The following PLEKHA7 variants were observed in gnomAD, a reference collection of about 807,000 sequenced individuals.
PLEKHA7 encodes pleckstrin homology domain containing A7, also known as pleckstrin homology domain-containing family A member 7.
PLEKHA7 carries 104 observed loss-of-function variants against 170.0 expected under a neutral mutation model. The observed-to-expected ratio is 0.61, with a 90% CI of 0.52 to 0.72. PLEKHA7 has a LOEUF of 0.72. Ranked by LOEUF, PLEKHA7 falls within the 30% of genes least tolerant of loss-of-function variation. PLEKHA7 has a pLI of 0.00. For synonymous variants in PLEKHA7, 648 were observed against 660.8 expected, an observed-to-expected ratio of 0.98 and a Z score of 0.30; for missense variants, 1,615 against 1,671.7, an observed-to-expected ratio of 0.97 and a Z score of 0.59.
intron 6 of PLEKHA7, among the ~76,000 whole-genome samples, chr11:16,854,393 C>T (rs975873041): frequency 1.3e-5 from 2 of 152,002 alleles, no homozygotes; most frequent in African/African-American, 2.4e-5. Context: ...TACTAAGATC[C>T]GGAAAAAGCA....
intron 3 of PLEKHA7, among the ~76,000 whole-genome samples, chr11:16,905,188 G>A (rs1857576276): frequency 6.6e-6 from 1 of 151,908 alleles, no homozygotes; most frequent in Non-Finnish European, 1.5e-5. Context: ...GGAAATCGAG[G>A]GTGCAGTAAG....
chr11:17,011,206 C>A (rs1431624633), intron 3 of PLEKHA7, among the ~76,000 whole-genome samples: 1 of 152,198 alleles, frequency 6.6e-6, no homozygotes, highest in Non-Finnish European at 1.5e-5. Flanking sequence ...ACTTGCAGCC[C>A]TTCCTCCCGC....
intron 17 of PLEKHA7, among the ~76,000 whole-genome samples, chr11:16,799,667 G>T (rs1456078009): frequency 6.6e-6 from 1 of 152,164 alleles, no homozygotes; most frequent in Non-Finnish European, 1.5e-5. Context: ...ATAATTGAAG[G>T]ACTTTGTCAA....
At position 16,991,075 on chromosome 11, in the gene PLEKHA7, C is replaced by T. The variant is rs552289765; in HGVS notation, c.221+22914G>A. Among the ~76,000 whole-genome samples, 24 of 152,176 alleles carry T rather than the reference C, an allele frequency of 1.6e-4. 1 individual carries two copies. The highest frequency in any genetic ancestry group is 6.8e-3 in the Middle Eastern group (2 of 294). Reference sequence around the variant, plus strand: ...CTAGTGCAGAGACAAACAAGGATGCCGGTGGTTCCCAAACTGGAGAGGAAT... The same window carrying T: ...CTAGTGCAGAGACAAACAAGGATGCTGGTGGTTCCCAAACTGGAGAGGAAT... On this transcript the variant is annotated intron_variant, in intron 3 of 26. Coordinates refer to ENST00000531066, the MANE Select transcript of PLEKHA7 (RefSeq NM_001329630.2).
chr11:16,886,644 G>A (rs913439924), intron 3 of PLEKHA7, among the ~76,000 whole-genome samples: 13 of 150,912 alleles, frequency 8.6e-5, no homozygotes, highest in African/African-American at 2.7e-4. Flanking sequence ...CCAGGAGGCG[G>A]AGGTTGCAGT....
At chr11:16,916,075 T>G (rs1166172496) in intron 3 of PLEKHA7, among the ~76,000 whole-genome samples, 4 of 151,918 alleles carry the variant, frequency 2.6e-5, no homozygotes, top group Non-Finnish European at 4.4e-5. Context: ...TGAGATGGTA[T>G]CTCATTGTGG....
chr11:16,982,460 A>G (rs1410512771), intron 3 of PLEKHA7, among the ~76,000 whole-genome samples: 2 of 152,248 alleles, frequency 1.3e-5, no homozygotes, highest in African/African-American at 4.8e-5. Context: ...CAGAATGTCC[A>G]GGGTGACTAG....
In PLEKHA7 at chr11:16,777,558, T is replaced by C. The variant is rs1455558525; in HGVS notation, c.*1440A>G. Reference sequence around the variant, plus strand: ...GTCAAAGAGAAATTTTCATTTAAAGTGTGGCTCCACCCAATGGAGGTTTTC... The same window carrying C: ...GTCAAAGAGAAATTTTCATTTAAAGCGTGGCTCCACCCAATGGAGGTTTTC... On this transcript the variant is annotated 3_prime_UTR_variant, in exon 27 of 27. Transcript: ENST00000531066. 3 of 152,230 alleles carry C rather than the reference T, an allele frequency of 2.0e-5. No homozygotes were observed. Among genetic ancestry groups the C allele is most frequent in the African/African-American group, 7.2e-5 (3 of 41,462 alleles). The allele number at this position is 152,230 out of a possible 1,614,324, so 9.4% of individuals were successfully genotyped here.
intron 4 of PLEKHA7, among the ~76,000 whole-genome samples, chr11:16,866,037 T>C (rs932810063): frequency 3.3e-5 from 5 of 151,470 alleles, no homozygotes; most frequent in African/African-American, 7.3e-5. Context: ...TGGGGTTTCA[T>C]TGTGTTAGGC....
Position 16,852,304 on chromosome 11 carries a change from A to G in PLEKHA7, c.574T>C (p.Tyr192His), listed in dbSNP as rs931186793. ...WKRRWFVLAD[Y>H]CLFYYKDSRE... ...TCACCTTTATAGTAAAATAAGCAGT[A>G]ATCAGCAAGCACAAACCACCTCCTT... The change falls in exon 7 of 27, where the codon TAC (tyrosine) becomes CAC (histidine). Residue 192 changes from tyrosine (Y) to histidine (H), a missense_variant. Coordinates refer to ENST00000531066, the MANE Select transcript of PLEKHA7 (RefSeq NM_001329630.2). 6.2e-7 allele frequency: 1 copy of G among 1,614,058 alleles called. No homozygotes were observed. The highest frequency in any genetic ancestry group is 1.3e-5 in the African/African-American group (1 of 75,038).
chr11:16,908,559 A>G (rs7483718), intron 3 of PLEKHA7, among the ~76,000 whole-genome samples: 79,995 of 151,398 alleles, frequency 0.53, 22,071 homozygotes, highest in African/African-American at 0.67. Context: ...GCAGTGGCGC[A>G]AACTCGGCTC....
intron 3 of PLEKHA7, among the ~76,000 whole-genome samples, chr11:17,001,977 T>C (rs1446096353): frequency 6.6e-6 from 1 of 152,254 alleles, no homozygotes; most frequent in African/African-American, 2.4e-5. Flanking sequence ...ACAGCCTGGC[T>C]CTAAGCAGGC....
rs1855674521 is a variant in PLEKHA7 at position 16,881,074 on chromosome 11, AC to A, written c.222-9893del. Among the ~76,000 whole-genome samples, 2 of 152,152 alleles carry A rather than the reference AC, an allele frequency of 1.3e-5. 1 individual carries two copies. Among genetic ancestry groups the A allele is most frequent in the South Asian group, 4.1e-4 (2 of 4,830 alleles). On this transcript the variant is annotated intron_variant, in intron 3 of 26. Transcript: ENST00000531066. ...ACATCAGGGAGGTGTAGTTAATGAT[AC>A]TTATGTCTTATTTATGCCCAATTAC...
chr11:16,939,409 G>C (rs916127673), intron 3 of PLEKHA7, among the ~76,000 whole-genome samples: 2 of 151,666 alleles, frequency 1.3e-5, no homozygotes, highest in Non-Finnish European at 2.9e-5. Context: ...GCAAGGCTCT[G>C]TTATCTAAAG....
intron 3 of PLEKHA7, among the ~76,000 whole-genome samples, chr11:16,927,415 G>A (rs1336674466): frequency 6.6e-6 from 1 of 152,070 alleles, no homozygotes; most frequent in Non-Finnish European, 1.5e-5. Context: ...TAGCTTGGAG[G>A]CCAGAGTAAA....
At chr11:16,849,646 A>T (rs1852756241) in intron 8 of PLEKHA7, among the ~76,000 whole-genome samples, 1 of 152,230 alleles carries the variant, frequency 6.6e-6, no homozygotes, top group Non-Finnish European at 1.5e-5. Flanking sequence ...GAAAGAGAAC[A>T]GAATTCAGGG....
chr11:16,810,066 G>A (rs1849259069), intron 13 of PLEKHA7, among the ~76,000 whole-genome samples: 1 of 152,234 alleles, frequency 6.6e-6, no homozygotes, highest in Non-Finnish European at 1.5e-5. Flanking sequence ...TTGTTCCACA[G>A]GAAAGAAGAA....
At chr11:16,962,056 G>A (rs1862095280) in intron 3 of PLEKHA7, among the ~76,000 whole-genome samples, 1 of 152,228 alleles carries the variant, frequency 6.6e-6, no homozygotes, top group Admixed American at 6.5e-5. Context: ...GAGGAAATGG[G>A]GGGAAGCAAG....
chr11:16,854,980 C>G lies in PLEKHA7; in HGVS notation c.431G>C (p.Ser144Thr). 1.9e-6 allele frequency: 3 copies of G among 1,614,006 alleles called. No homozygotes were observed. Among genetic ancestry groups the G allele is most frequent in the Non-Finnish European group, 2.5e-6 (3 of 1,179,910 alleles). ...CTTCCCAAAGCTGTGGACTTTACTG[C>G]TGGACTTTATGATCTATGAAAAAGC... Reference protein sequence around the residue: ...AKPGPKIIKSSSKVHSFGKRD... With the variant: ...AKPGPKIIKSTSKVHSFGKRD... The change falls in exon 6 of 27, where the codon AGC becomes ACC. Residue 144 changes from serine to threonine, a missense_variant. Transcript: ENST00000531066.
Sources: allele counts gnomAD v4.1 joint callset (sites outside exome capture counted in the v4.1 genomes callset), GRCh38; gene constraint gnomAD v4.1.1; transcripts MANE v1.5; gene names NCBI Gene and HGNC (gene_info 2026-07-23, HGNC 2026-07-21).